The following MINDY4B variants were observed in gnomAD, a reference collection of about 807,000 sequenced individuals.
The protein encoded by MINDY4B is MINDY family member 4B.
Under a neutral mutation model 16.7 loss-of-function variants are expected in MINDY4B, and 25 were observed. The observed-to-expected ratio is 1.49, with a 90% confidence interval of 1.09 to 2.09. MINDY4B has a LOEUF of 2.09. Among genes scored for constraint, MINDY4B ranks in the 30% most tolerant of loss-of-function variants. MINDY4B has a pLI of 0.00. For synonymous variants in MINDY4B, 132 were observed against 61.9 expected (o/e 2.13, Z -5.32); for missense variants, 327 against 168.4 (o/e 1.94, Z -5.21).
chr3:150,870,984 T>A lies in MINDY4B; in HGVS notation c.*61A>T, dbSNP rs1269654428. ...TGGAAACGATTGGTCTCCCCCACAT[T>A]AGGCTTTTGCATCCCAGCAGTTCTG... On this transcript the variant is annotated 3_prime_UTR_variant, in exon 12 of 12. Transcript: ENST00000465419. 1.5e-6 allele frequency: 1 copy of A among 667,394 alleles called. No homozygotes were observed. The highest frequency in any genetic ancestry group is 2.7e-6 in the Non-Finnish European group (1 of 368,902). 41.3% of individuals were successfully genotyped at this position (667,394 alleles called of 1,614,324 possible).
In MINDY4B at chr3:150,870,395, A is replaced by G. The variant is rs17283761; in HGVS notation, c.*650T>C. Among the ~76,000 whole-genome samples the G allele has an allele frequency of 0.48, 73,538 of 152,086 alleles. 18,854 individuals are homozygous for G. Among genetic ancestry groups the G allele is most frequent in the African/African-American group, 0.65 (27,078 of 41,466 alleles). ...GTCTGTTTGTGTATTTATATCCAGC[A>G]TTGAAGAAAAGAAACAAACATACTG... On this transcript the variant is annotated 3_prime_UTR_variant, in exon 12 of 12. Transcript: ENST00000465419.
intron 7 of MINDY4B, among the ~76,000 whole-genome samples, chr3:150,890,013 T>C (rs950960599): frequency 2.0e-5 from 3 of 152,208 alleles, no homozygotes; most frequent in Non-Finnish European, 1.5e-5. Flanking sequence ...TTTTATTCAT[T>C]AGATGAGACA....
At chr3:150,889,087 T>C (rs1454851499) in intron 7 of MINDY4B, among the ~76,000 whole-genome samples, 1 of 152,210 alleles carries the variant, frequency 6.6e-6, no homozygotes, top group African/African-American at 2.4e-5. Context: ...AAATCTATCA[T>C]ACAGGTTTTA....
At chr3:150,879,773 A>G (rs547166581) in intron 10 of MINDY4B, among the ~76,000 whole-genome samples, 1 of 152,286 alleles carries the variant, frequency 6.6e-6, no homozygotes, top group East Asian at 1.9e-4. Context: ...TGACCTGGGC[A>G]TTGATAGTTG....
At chr3:150,883,178 A>G (rs1711549775) in intron 9 of MINDY4B, 120 bp from the exon 10 acceptor site, 2 of 572,206 alleles carry the variant, frequency 3.5e-6, no homozygotes, top group Non-Finnish European at 6.2e-6. Context: ...CACATGATAC[A>G]TATTTCAGGA....
chr3:150,883,566 T>C (rs1711559300), intron 9 of MINDY4B, 134 bp downstream of exon 9: 1 of 623,178 alleles, frequency 1.6e-6, no homozygotes, highest in East Asian at 2.7e-5. Flanking sequence ...TGCTCTTTAC[T>C]TAAGGAGAGA....
At chr3:150,893,438 C>T (rs990910736) in intron 4 of MINDY4B, 23 bp from the exon 5 acceptor site, 11 of 702,536 alleles carry the variant, frequency 1.6e-5, no homozygotes, top group Middle Eastern at 2.3e-4. Flanking sequence ...GAATGAATGA[C>T]GAGGTGAAGA....
At chr3:150,896,201 G>A (rs113305660) in intron 3 of MINDY4B, among the ~76,000 whole-genome samples, 86 of 152,222 alleles carry the variant, frequency 5.6e-4, no homozygotes, top group African/African-American at 1.9e-3. Context: ...CTAGAAGTGT[G>A]TCCACTGTTT....
At chr3:150,882,875 T>C (rs749097637) in intron 10 of MINDY4B, 22 bp downstream of exon 10, 1 of 689,896 alleles carries the variant, frequency 1.4e-6, no homozygotes, top group Non-Finnish European at 2.6e-6. Flanking sequence ...GGTTGTGTGG[T>C]TGAGGACTGG....
intron 7 of MINDY4B, among the ~76,000 whole-genome samples, chr3:150,889,459 G>A (rs547808227): frequency 1.3e-5 from 2 of 152,168 alleles, no homozygotes; most frequent in Non-Finnish European, 2.9e-5. Context: ...GCCCACCTGG[G>A]TCATCCAGGA....
intron 11 of MINDY4B, among the ~76,000 whole-genome samples, chr3:150,871,701 T>G (rs1368849566): frequency 6.6e-6 from 1 of 151,852 alleles, no homozygotes; most frequent in Non-Finnish European, 1.5e-5. Context: ...ATACAGAAAA[T>G]TAGCTGTGTG....
intron 5 of MINDY4B, among the ~76,000 whole-genome samples, chr3:150,891,399 C>T (rs1470498802): frequency 2.6e-5 from 4 of 152,206 alleles, no homozygotes; most frequent in Non-Finnish European, 2.9e-5. Flanking sequence ...AAGAAACACG[C>T]GATAAAGATT....
At chr3:150,883,898 A>G (rs1711565801) in intron 8 of MINDY4B, 126 bp from the exon 9 acceptor site, 3 of 620,586 alleles carry the variant, frequency 4.8e-6, no homozygotes, top group Admixed American at 5.1e-5. Flanking sequence ...TCTCACTTGC[A>G]CTTTTCCATC....
In MINDY4B at chr3:150,903,104, T is replaced by A. The variant is rs181578369; in HGVS notation, c.309+145A>T. On this transcript the variant is annotated intron_variant, in intron 3 of 11. Coordinates refer to ENST00000465419, the MANE Select transcript of MINDY4B (RefSeq NM_001351281.2). ...GAAGAATACCATAAATAAGTCATTT[T>A]AATTATATTCTCCTTTTACCAATAA... 4.4e-4 allele frequency: 176 copies of A among 395,796 alleles called. 1 individual carries two copies. The highest frequency in any genetic ancestry group is 7.0e-4 in the Non-Finnish European group (157 of 224,786). The allele number at this position is 395,796 out of a possible 1,614,324, so 24.5% of individuals were successfully genotyped here.
intron 10 of MINDY4B, among the ~76,000 whole-genome samples, chr3:150,880,467 T>C (rs1711513591): frequency 6.6e-6 from 1 of 152,194 alleles, no homozygotes; most frequent in Non-Finnish European, 1.5e-5. Flanking sequence ...TAATTAAATA[T>C]GTATTAGGAA....
At chr3:150,879,096 A>G (rs1446859106) in intron 10 of MINDY4B, among the ~76,000 whole-genome samples, 4 of 152,218 alleles carry the variant, frequency 2.6e-5, no homozygotes, top group African/African-American at 9.6e-5. Flanking sequence ...AAGCCTTGCA[A>G]CTGTTAAAAA....
intron 7 of MINDY4B, among the ~76,000 whole-genome samples, chr3:150,886,448 G>C (rs539009404): frequency 6.6e-6 from 1 of 152,192 alleles, no homozygotes; most frequent in Non-Finnish European, 1.5e-5. Context: ...GAGAGAAATG[G>C]GGAGGGGTGA....
chr3:150,894,300 C>T lies in MINDY4B; in HGVS notation c.315G>A (p.Leu105=). The T allele has an allele frequency of 1.4e-6, 1 of 691,240 alleles. No homozygotes were observed. Among genetic ancestry groups the T allele is most frequent in the Non-Finnish European group, 2.6e-6 (1 of 382,048 alleles). The allele number at this position is 691,240 out of a possible 1,614,324, so 42.8% of individuals were successfully genotyped here. ...FPISLAMATK[L]RQILFGNTVH... is the part of the protein sequence containing the mutation. ...CTGTGTTTCCAAACAGGATCTGCCG[C>T]AGCTTCTGAAAAGAGGGGAAAGAAA... Residue 105 remains leucine (L), a synonymous_variant, in exon 4 of 12, where the codon CTG becomes CTA. Coordinates refer to ENST00000465419, the MANE Select transcript of MINDY4B (RefSeq NM_001351281.2).
At position 150,893,562 on chromosome 3, in the gene MINDY4B, G is replaced by A. The variant is rs78691143; in HGVS notation, c.430-147C>T. ...ATTTGTGCCACTCCTCCCTGCAGCC[G>A]TGGCTGGTGCTGTGGCTGGGCTGGA... On this transcript the variant is annotated intron_variant, in intron 4 of 11. Coordinates refer to ENST00000465419, the MANE Select transcript of MINDY4B (RefSeq NM_001351281.2). 6.4e-3 allele frequency: 4,131 copies of A among 646,830 alleles called. 119 individuals are homozygous for A. In the African/African-American group the frequency reaches 0.064, roughly 10 times the overall value. The allele number at this position is 646,830 out of a possible 1,614,324, so 40.1% of individuals were successfully genotyped here. A position where few individuals can be genotyped will look rare whatever the true frequency, so the allele number is the denominator to read the frequency against.
Sources: gnomAD v4.1 joint callset for allele counts (sites outside exome capture counted in the v4.1 genomes callset) on GRCh38, gnomAD v4.1.1 for gene constraint, MANE v1.5 for transcripts, NCBI Gene and HGNC (gene_info 2026-07-23, HGNC 2026-07-21) for gene names.